AUTS2: variants seen among roughly 807,000 people sequenced by gnomAD.
AUTS2 encodes the protein activator of transcription and developmental regulator AUTS2, also known as autism susceptibility gene 2 protein.
In AUTS2, 17 loss-of-function variants were observed where a neutral mutation model predicts 112.4. The ratio of observed to expected loss-of-function variants is 0.15; its 90% CI spans 0.10 to 0.23. The LOEUF (loss-of-function observed/expected upper bound fraction) is 0.23. Ranked by LOEUF, AUTS2 falls within the 10% of genes least tolerant of loss-of-function variation. AUTS2 has a pLI of 1.00. For missense variants in AUTS2, 1,510 were observed against 1,701.6 expected (o/e 0.89, Z 1.98); for synonymous variants, 751 against 702.7 (o/e 1.07, Z -1.09).
Position 69,886,573 on chromosome 7 carries a change from G to A in AUTS2, c.310-12713G>A, listed in dbSNP as rs1794281117. Among the ~76,000 whole-genome samples the A allele has an allele frequency of 2.0e-5, 3 of 152,000 alleles. No individual in the cohort carries two copies. The South Asian group carries it at 6.2e-4, about 32-fold the overall frequency. On this transcript the variant is annotated intron_variant, in intron 1 of 18. Transcript: ENST00000342771. ...ATTGTCTTTCATAAAATTGTTTCTTGTCTGCTGAGTGGACAGAATGTCTCT... is the reference window on the plus strand; with the variant it reads ...ATTGTCTTTCATAAAATTGTTTCTTATCTGCTGAGTGGACAGAATGTCTCT...
chr7:70,667,501 T>A (rs1039240805), intron 5 of AUTS2, among the ~76,000 whole-genome samples: 1 of 152,224 alleles, frequency 6.6e-6, no homozygotes, highest in African/African-American at 2.4e-5. Context: ...TTCTTAGCCT[T>A]TCACTAACAA....
At chr7:70,463,544 A>G (rs1797054995) in intron 5 of AUTS2, among the ~76,000 whole-genome samples, 1 of 152,240 alleles carries the variant, frequency 6.6e-6, no homozygotes, top group Admixed American at 6.5e-5. Flanking sequence ...AAATCAGCAC[A>G]TTGAGCAGCC....
At chr7:70,529,566 G>A (rs75619368) in intron 5 of AUTS2, among the ~76,000 whole-genome samples, 2,507 of 152,264 alleles carry the variant, frequency 0.016, 68 homozygotes, top group African/African-American at 0.057. Flanking sequence ...GTCAAATCAC[G>A]CAGAATTCAC....
chr7:69,894,156 CT>C lies in AUTS2; in HGVS notation c.310-5125del, dbSNP rs981575931. ...CTATTGACAGCCAATATGTCTAAAT[CT>C]TTTTGCCTCTCAGCCAGCCTCTTGT... On this transcript the variant is annotated intron_variant, in intron 1 of 18. Transcript: ENST00000342771. 7.2e-4 allele frequency among the ~76,000 whole-genome samples: 107 copies of C among 149,050 alleles called. 2 individuals carry two copies. Among genetic ancestry groups the C allele is most frequent in the African/African-American group, 2.4e-3 (96 of 40,616 alleles).
intron 1 of AUTS2, among the ~76,000 whole-genome samples, chr7:69,664,345 T>A (rs753936992): frequency 6.6e-6 from 1 of 152,204 alleles, no homozygotes; most frequent in Non-Finnish European, 1.5e-5. Flanking sequence ...TGTCACATAT[T>A]AGCATTCATT....
At chr7:70,613,445 G>A (rs1415460073) in intron 5 of AUTS2, among the ~76,000 whole-genome samples, 1 of 152,066 alleles carries the variant, frequency 6.6e-6, no homozygotes, top group African/African-American at 2.4e-5. Flanking sequence ...AGATGAGGAG[G>A]GTATTGTGTT....
At chr7:70,564,456 A>G (rs1341585168) in intron 5 of AUTS2, among the ~76,000 whole-genome samples, 1 of 152,230 alleles carries the variant, frequency 6.6e-6, no homozygotes, top group Non-Finnish European at 1.5e-5. Context: ...AATTAGGTTT[A>G]CTACTTAGAT....
At chr7:70,309,637 T>C (rs935381708) in intron 4 of AUTS2, among the ~76,000 whole-genome samples, 6 of 152,204 alleles carry the variant, frequency 3.9e-5, no homozygotes, top group Non-Finnish European at 8.8e-5. Flanking sequence ...AAAATCATTA[T>C]TCTATTGTAT....
intron 2 of AUTS2, among the ~76,000 whole-genome samples, chr7:70,053,706 G>A (rs1801866236): frequency 6.6e-6 from 1 of 151,946 alleles, no homozygotes; most frequent in South Asian, 2.1e-4. Flanking sequence ...CAGTCAGCTA[G>A]TTTATTATTT....
intron 1 of AUTS2, among the ~76,000 whole-genome samples, chr7:69,808,196 G>T (rs1790393623): frequency 6.6e-6 from 1 of 152,210 alleles, no homozygotes; most frequent in East Asian, 1.9e-4. Flanking sequence ...CCAAAGTGGG[G>T]ATTACAGGTG....
At chr7:69,986,120 T>G (rs1312957164) in intron 2 of AUTS2, among the ~76,000 whole-genome samples, 3 of 152,186 alleles carry the variant, frequency 2.0e-5, no homozygotes, top group Admixed American at 6.5e-5. Flanking sequence ...ATACCACTTA[T>G]AAACATCTGA....
chr7:70,335,479 G>A (rs1260729565), intron 4 of AUTS2, among the ~76,000 whole-genome samples: 1 of 152,208 alleles, frequency 6.6e-6, no homozygotes, highest in Non-Finnish European at 1.5e-5. Context: ...TATCAGGGAT[G>A]TGACTATTTA....
intron 4 of AUTS2, among the ~76,000 whole-genome samples, chr7:70,226,415 C>T (rs1811768931): frequency 6.8e-6 from 1 of 147,874 alleles, no homozygotes; most frequent in Admixed American, 6.8e-5. Context: ...CTGTGTTACT[C>T]AGGATGGTCT....
intron 4 of AUTS2, among the ~76,000 whole-genome samples, chr7:70,334,870 A>G (rs1156510417): frequency 1.3e-5 from 2 of 152,178 alleles, no homozygotes; most frequent in Admixed American, 6.5e-5. Context: ...CTAGTTATGT[A>G]TGGAGATAGA....
intron 1 of AUTS2, among the ~76,000 whole-genome samples, chr7:69,788,065 T>C (rs1789455940): frequency 6.6e-6 from 1 of 152,214 alleles, no homozygotes; most frequent in South Asian, 2.1e-4. Flanking sequence ...AAGAAATTGC[T>C]CTTGGTGAAG....
intron 4 of AUTS2, among the ~76,000 whole-genome samples, chr7:70,137,769 GTTA>G (rs1353167231): frequency 6.6e-6 from 1 of 152,144 alleles, no homozygotes; most frequent in Non-Finnish European, 1.5e-5. Flanking sequence ...ACTGCCTTCT[GTTA>G]TTCACACAAT....
At chr7:70,134,460 G>A (rs1251962679) in intron 3 of AUTS2, 76 bp from the exon 4 acceptor site, 6 of 1,277,746 alleles carry the variant, frequency 4.7e-6, no homozygotes, top group Non-Finnish European at 6.9e-6. Context: ...CAAAGGGCTG[G>A]TAATGAGCTG....
intron 5 of AUTS2, among the ~76,000 whole-genome samples, chr7:70,612,993 G>A (rs901255904): frequency 1.3e-5 from 2 of 152,038 alleles, no homozygotes; most frequent in Admixed American, 6.6e-5. Context: ...CAGCGCGGTG[G>A]TACATCATCA....
At chr7:70,408,535 A>C (rs1015680878) in intron 4 of AUTS2, among the ~76,000 whole-genome samples, 4 of 152,188 alleles carry the variant, frequency 2.6e-5, no homozygotes, top group Admixed American at 2.6e-4. Context: ...TAAAAACAGC[A>C]ACTGTTGTCA....
Sources: gnomAD v4.1 joint callset for allele counts (sites outside exome capture counted in the v4.1 genomes callset) on GRCh38, gnomAD v4.1.1 for gene constraint, MANE v1.5 for transcripts, NCBI Gene and HGNC (gene_info 2026-07-23, HGNC 2026-07-21) for gene names.